NDC1: variants seen among roughly 807,000 people sequenced by gnomAD.
NDC1 encodes the protein NDC1 transmembrane nucleoporin.
In NDC1, 24 loss-of-function variants were observed where a neutral mutation model predicts 89.8. The ratio of observed to expected loss-of-function variants is 0.27; its 90% CI spans 0.19 to 0.38. NDC1 has a LOEUF of 0.38. Among genes scored for constraint, NDC1 ranks in the 10% least tolerant of loss-of-function variants. NDC1 has a pLI of 1.00. For synonymous variants in NDC1, 296 were observed against 284.8 expected, an observed-to-expected ratio of 1.04 and a Z score of -0.39; for missense variants, 728 against 797.6, an observed-to-expected ratio of 0.91 and a Z score of 1.05.
In NDC1 at chr1:53,832,093, G is replaced by A. The variant is rs571265490; in HGVS notation, c.280+397C>T. Among the ~76,000 whole-genome samples, 4 of 151,934 alleles carry A rather than the reference G, an allele frequency of 2.6e-5. No individual in the cohort carries two copies. The South Asian group carries it at 8.3e-4, about 32-fold the overall frequency. Reference sequence around the variant, plus strand: ...ACCATTTTTAAGTACACAGTTCTGCGGCATAAGTACACTCATATTGTTGTA... The same window carrying A: ...ACCATTTTTAAGTACACAGTTCTGCAGCATAAGTACACTCATATTGTTGTA... On this transcript the variant is annotated intron_variant, in intron 3 of 17. Transcript: ENST00000371429.
chr1:53,810,756 TA>T (rs1489174374), intron 6 of NDC1, among the ~76,000 whole-genome samples: 1 of 152,094 alleles, frequency 6.6e-6, no homozygotes, highest in Non-Finnish European at 1.5e-5. Flanking sequence ...AAAGAGACAC[TA>T]CTAATCATGA....
intron 1 of NDC1, among the ~76,000 whole-genome samples, chr1:53,836,749 C>CGT (rs1649247227): frequency 6.6e-6 from 1 of 151,234 alleles, no homozygotes; most frequent in African/African-American, 2.4e-5. Context: ...AGATTACAGG[C>CGT]GTGAGCCACA....
chr1:53,818,908 G>A, intron 6 of NDC1, 63 bp downstream of exon 6: 1 of 746,252 alleles, frequency 1.3e-6, no homozygotes, highest in Non-Finnish European at 2.3e-6. Flanking sequence ...GAATGACTTT[G>A]TAACTGACAT....
At chr1:53,835,936 T>C (rs1649218073) in intron 1 of NDC1, among the ~76,000 whole-genome samples, 1 of 152,202 alleles carries the variant, frequency 6.6e-6, no homozygotes, top group Non-Finnish European at 1.5e-5. Context: ...TATTAATATA[T>C]AAAGGCTGTA....
chr1:53,779,609 G>A (rs1054788227), intron 16 of NDC1, among the ~76,000 whole-genome samples: 1 of 152,012 alleles, frequency 6.6e-6, no homozygotes, highest in African/African-American at 2.4e-5. Flanking sequence ...AATCTAAAAG[G>A]GTGGCCTGCG....
chr1:53,789,719 A>T (rs886990813), intron 14 of NDC1, among the ~76,000 whole-genome samples: 1 of 151,872 alleles, frequency 6.6e-6, no homozygotes, highest in Non-Finnish European at 1.5e-5. Flanking sequence ...TAATCACTTG[A>T]ACCTGGGAGG....
intron 17 of NDC1, chr1:53,771,103 TC>T: frequency 5.3e-6 from 1 of 188,602 alleles, no homozygotes; most frequent in Admixed American, 4.6e-5. Context: ...GAATACAATG[TC>T]CCCCCTGCCT....
chr1:53,773,327 GTTC>G (rs1647135189), intron 16 of NDC1, among the ~76,000 whole-genome samples: 1 of 152,080 alleles, frequency 6.6e-6, no homozygotes, highest in Admixed American at 6.6e-5. Flanking sequence ...TTGCCATCAA[GTTC>G]TTAATTTCAA....
intron 6 of NDC1, among the ~76,000 whole-genome samples, chr1:53,817,172 A>G (rs1286007828): frequency 6.6e-6 from 1 of 152,206 alleles, no homozygotes; most frequent in African/African-American, 2.4e-5. Context: ...TCATTATTCA[A>G]AAAGGATACT....
At position 53,832,552 on chromosome 1, in the gene NDC1, T is replaced by C; in HGVS notation, c.218A>G (p.Tyr73Cys). The C allele has an allele frequency of 6.3e-7, 1 of 1,599,568 alleles. No homozygotes were observed. ...SDLYSSYVIFYFLLLSVVIII... is the reference protein window; with the variant it reads ...SDLYSSYVIFCFLLLSVVIII... Reference sequence around the variant, plus strand: ...TATTACCACTGACAGCAGCAGGAAGTAAAAGATTACATAGGAACTATACAG... The same window carrying C: ...TATTACCACTGACAGCAGCAGGAAGCAAAAGATTACATAGGAACTATACAG... The change falls in exon 3 of 18, where the codon TAC (tyrosine) becomes TGC (cysteine). Residue 73 changes from tyrosine to cysteine, a missense_variant. Physicochemically the swap from Tyr to Cys is radical, Grantham distance 194. Coordinates refer to ENST00000371429, the MANE Select transcript of NDC1 (RefSeq NM_018087.5).
At chr1:53,781,181 T>C (rs1647204082) in intron 16 of NDC1, among the ~76,000 whole-genome samples, 1 of 152,074 alleles carries the variant, frequency 6.6e-6, no homozygotes. Flanking sequence ...ATAAAATATA[T>C]CATTTTGGTT....
chr1:53,807,862 C>T (rs1648167151), intron 7 of NDC1, 71 bp from the exon 8 acceptor site: 5 of 1,297,812 alleles, frequency 3.9e-6, no homozygotes, highest in Non-Finnish European at 5.3e-6. Context: ...CTTAAGTCTC[C>T]ACATTGAGAC....
intron 16 of NDC1, among the ~76,000 whole-genome samples, chr1:53,785,432 C>T (rs1647278996): frequency 6.6e-6 from 1 of 152,166 alleles, no homozygotes; most frequent in African/African-American, 2.4e-5. Context: ...TAGACACACA[C>T]ATCTCAAGTA....
At chr1:53,806,065 C>T (rs1648095981) in intron 9 of NDC1, among the ~76,000 whole-genome samples, 1 of 151,540 alleles carries the variant, frequency 6.6e-6, no homozygotes, top group African/African-American at 2.4e-5. Context: ...CAGAGCGAGA[C>T]TCCGTCTCAA....
intron 16 of NDC1, among the ~76,000 whole-genome samples, chr1:53,785,381 A>G (rs1292127999): frequency 6.6e-6 from 1 of 152,210 alleles, no homozygotes; most frequent in African/African-American, 2.4e-5. Context: ...TATTTACAGA[A>G]TGGCACTTGG....
intron 6 of NDC1, among the ~76,000 whole-genome samples, chr1:53,812,562 A>G (rs1460483749): frequency 2.0e-5 from 3 of 152,108 alleles, no homozygotes; most frequent in African/African-American, 7.2e-5. Context: ...AAAGACAAAG[A>G]AAAAAAAGGA....
At chr1:53,830,359 CAGG>C (rs1455895724) in intron 3 of NDC1, among the ~76,000 whole-genome samples, 3 of 151,176 alleles carry the variant, frequency 2.0e-5, no homozygotes, top group African/African-American at 7.3e-5. Flanking sequence ...GCGGCTGAGG[CAGG>C]AGAATTGCTT....
chr1:53,799,467 T>C (rs905962048), intron 11 of NDC1, among the ~76,000 whole-genome samples: 1 of 152,240 alleles, frequency 6.6e-6, no homozygotes, highest in Non-Finnish European at 1.5e-5. Context: ...GTAATCTATT[T>C]GTTTTGGGGC....
chr1:53,815,726 C>T (rs903219445), intron 6 of NDC1, among the ~76,000 whole-genome samples: 1 of 152,142 alleles, frequency 6.6e-6, no homozygotes, highest in Non-Finnish European at 1.5e-5. Flanking sequence ...CAGAAAGTTC[C>T]TAGAACTGAT....
Sources: gnomAD v4.1 joint callset for allele counts (sites outside exome capture counted in the v4.1 genomes callset) on GRCh38, gnomAD v4.1.1 for gene constraint, MANE v1.5 for transcripts, NCBI Gene and HGNC (gene_info 2026-07-23, HGNC 2026-07-21) for gene names.